The following C8orf34 variants were observed in gnomAD, a reference collection of about 807,000 sequenced individuals.
C8orf34 encodes the protein uncharacterized protein C8orf34.
A neutral mutation model predicts 68.3 loss-of-function variants in C8orf34; 65 were observed. That is an observed-to-expected ratio of 0.95 (90% CI 0.78 to 1.17). C8orf34 has a LOEUF of 1.17. Ranked by LOEUF, C8orf34 falls within the 50% of genes most tolerant of loss-of-function variation. The pLI, the probability that C8orf34 is intolerant of heterozygous loss-of-function variation, is 0.00. For synonymous variants in C8orf34, 244 were observed against 241.2 expected, an observed-to-expected ratio of 1.01 and a Z score of -0.11; for missense variants, 664 against 655.4, an observed-to-expected ratio of 1.01 and a Z score of -0.14.
chr8:68,774,349 A>ATATATAT (rs562858909), intron 10 of C8orf34, among the ~76,000 whole-genome samples: 4 of 147,764 alleles, frequency 2.7e-5, no homozygotes, highest in Non-Finnish European at 4.5e-5. Context: ...ATATATATAT[A>ATATATAT]AAATAAACAA....
At chr8:68,387,486 A>T (rs1477260687) in intron 1 of C8orf34, among the ~76,000 whole-genome samples, 2 of 152,138 alleles carry the variant, frequency 1.3e-5, no homozygotes, top group Admixed American at 1.3e-4. Context: ...ATGATCCTGA[A>T]GTTTCAAATA....
chr8:68,472,291 T>C (rs1423312656), intron 4 of C8orf34, among the ~76,000 whole-genome samples: 1 of 152,180 alleles, frequency 6.6e-6, no homozygotes, highest in Non-Finnish European at 1.5e-5. Context: ...CCCAGGAGCC[T>C]GGGCTCTTAC....
At chr8:68,426,376 G>A (rs1440703731) in intron 1 of C8orf34, among the ~76,000 whole-genome samples, 2 of 151,684 alleles carry the variant, frequency 1.3e-5, no homozygotes, top group African/African-American at 2.4e-5. Context: ...AAAATTGCCT[G>A]GGCATGATGG....
chr8:68,712,472 A>G (rs1821352980), intron 9 of C8orf34, among the ~76,000 whole-genome samples: 1 of 152,156 alleles, frequency 6.6e-6, no homozygotes, highest in Non-Finnish European at 1.5e-5. Context: ...GACTCATATA[A>G]ACTTAAGGTA....
intron 7 of C8orf34, among the ~76,000 whole-genome samples, chr8:68,561,269 C>A (rs887554992): frequency 1.2e-4 from 18 of 152,056 alleles, no homozygotes; most frequent in African/African-American, 3.9e-4. Flanking sequence ...AGGCATGAGC[C>A]ACCACACCCA....
At chr8:68,771,274 ATAG>A (rs1187171335) in intron 10 of C8orf34, among the ~76,000 whole-genome samples, 16 of 152,200 alleles carry the variant, frequency 1.1e-4, no homozygotes, top group African/African-American at 3.1e-4. Context: ...TTGGACATGA[ATAG>A]TAGTTGCTGC....
intron 7 of C8orf34, among the ~76,000 whole-genome samples, chr8:68,599,099 A>G (rs1001509364): frequency 1.3e-5 from 2 of 152,120 alleles, no homozygotes; most frequent in Admixed American, 1.3e-4. Context: ...ATCTATTAGC[A>G]GAATTAACAG....
chr8:68,421,384 G>T (rs1809964097), intron 1 of C8orf34, among the ~76,000 whole-genome samples: 1 of 152,170 alleles, frequency 6.6e-6, no homozygotes, highest in Non-Finnish European at 1.5e-5. Context: ...CTACCAACAG[G>T]TATAGATAAA....
intron 7 of C8orf34, among the ~76,000 whole-genome samples, chr8:68,555,115 T>C (rs1816211304): frequency 6.6e-6 from 1 of 152,114 alleles, no homozygotes; most frequent in Non-Finnish European, 1.5e-5. Flanking sequence ...TTTCTATTGT[T>C]TTGCAAGTTT....
intron 7 of C8orf34, among the ~76,000 whole-genome samples, chr8:68,569,348 C>T (rs1816695330): frequency 6.6e-6 from 1 of 152,218 alleles, no homozygotes; most frequent in Admixed American, 6.5e-5. Context: ...CTCAAGTCCA[C>T]AGAGCAGGAA....
chr8:68,440,358 T>C (rs2676636), intron 2 of C8orf34, among the ~76,000 whole-genome samples: 12 of 152,198 alleles, frequency 7.9e-5, no homozygotes, highest in Non-Finnish European at 1.6e-4. Flanking sequence ...GATGGCATTA[T>C]CACTTCTCTC....
intron 5 of C8orf34, among the ~76,000 whole-genome samples, chr8:68,510,734 T>A (rs1279517365): frequency 6.6e-6 from 1 of 152,214 alleles, no homozygotes; most frequent in Non-Finnish European, 1.5e-5. Context: ...AATAATTATT[T>A]CTACATTGGC....
rs530565949 is a variant in C8orf34 at position 68,627,701 on chromosome 8, C to T, written c.1106-12675C>T. Among the ~76,000 whole-genome samples, 26 of 152,226 alleles carry T rather than the reference C, an allele frequency of 1.7e-4. 1 individual carries two copies. The South Asian group carries it at 4.6e-3, about 27-fold the overall frequency. On this transcript the variant is annotated intron_variant, in intron 7 of 13. Coordinates refer to ENST00000518698, the MANE Select transcript of C8orf34 (RefSeq NM_052958.4). ...TTCTTCCAGATTGGAAGAAGGAAAC[C>T]ACTCCCAGATGTCTTTATTTTTCTA...
intron 7 of C8orf34, among the ~76,000 whole-genome samples, chr8:68,604,788 C>A (rs183404034): frequency 6.6e-6 from 1 of 151,986 alleles, no homozygotes; most frequent in Non-Finnish European, 1.5e-5. Flanking sequence ...TAGATCACCT[C>A]GAGTTTGGTG....
intron 1 of C8orf34, among the ~76,000 whole-genome samples, chr8:68,333,793 CT>C (rs1259782274): frequency 6.6e-6 from 1 of 152,198 alleles, no homozygotes; most frequent in African/African-American, 2.4e-5. Context: ...CTAAAATCTC[CT>C]TTTACCACTC....
At chr8:68,746,017 G>T (rs1452057614) in intron 10 of C8orf34, among the ~76,000 whole-genome samples, 1 of 152,064 alleles carries the variant, frequency 6.6e-6, no homozygotes, top group African/African-American at 2.4e-5. Flanking sequence ...TAAAAGAACA[G>T]AAATTATAAC....
At chr8:68,771,723 T>C (rs1413864269) in intron 10 of C8orf34, among the ~76,000 whole-genome samples, 6 of 152,170 alleles carry the variant, frequency 3.9e-5, no homozygotes, top group African/African-American at 1.2e-4. Flanking sequence ...CTTCATCACA[T>C]GTATGCAGAG....
chr8:68,424,510 T>C (rs1244570998), intron 1 of C8orf34, among the ~76,000 whole-genome samples: 1 of 152,128 alleles, frequency 6.6e-6, no homozygotes, highest in Admixed American at 6.5e-5. Flanking sequence ...GAATTGGATG[T>C]TGAAATTATC....
chr8:68,488,177 A>G, intron 5 of C8orf34, 126 bp downstream of exon 5: 1 of 641,148 alleles, frequency 1.6e-6, no homozygotes, highest in East Asian at 3.2e-5. Context: ...CTAACATTTT[A>G]AAACTTTGAA....
Sources: gnomAD v4.1 joint callset for allele counts (sites outside exome capture counted in the v4.1 genomes callset) on GRCh38, gnomAD v4.1.1 for gene constraint, MANE v1.5 for transcripts, NCBI Gene and HGNC (gene_info 2026-07-23, HGNC 2026-07-21) for gene names.